Variants in SAMD12 observed in about 807,000 individuals in gnomAD.
SAMD12 encodes the protein sterile alpha motif domain containing 12.
SAMD12 carries 9 observed loss-of-function variants against 15.0 expected under a neutral mutation model. The observed-to-expected ratio is 0.60, with a 90% confidence interval of 0.36 to 1.05. The LOEUF (loss-of-function observed/expected upper bound fraction) is 1.05, where lower values mean the gene tolerates loss of function less well. Ranked by LOEUF, SAMD12 falls within the 50% of genes least tolerant of loss-of-function variation. The pLI is 0.01. For synonymous variants in SAMD12, 86 were observed against 90.1 expected (o/e 0.96, Z 0.25); for missense variants, 230 against 234.2 (o/e 0.98, Z 0.12).
chr8:118,163,063 T>C, the SAMD12 span, among the ~76,000 whole-genome samples: 1 of 152,156 alleles, frequency 6.6e-6, no homozygotes, highest in Non-Finnish European at 1.5e-5. Flanking sequence ...CTCCTGCCAT[T>C]TTTTAAAAGA....
chr8:118,137,538 C>T, the SAMD12 span, among the ~76,000 whole-genome samples: 63 of 152,318 alleles, frequency 4.1e-4, no homozygotes, highest in African/African-American at 1.5e-3. Flanking sequence ...TCCTGCCTCA[C>T]TTCCTCCACC....
chr8:118,532,559 A>C (rs1352643593), intron 2 of SAMD12, among the ~76,000 whole-genome samples: 1 of 152,136 alleles, frequency 6.6e-6, no homozygotes, highest in Non-Finnish European at 1.5e-5. Flanking sequence ...CTGTGAATCC[A>C]TCTGGTCCTG....
downstream of SAMD12, among the ~76,000 whole-genome samples, chr8:118,184,805 T>TA (rs2129706726): frequency 6.6e-6 from 1 of 152,298 alleles, no homozygotes; most frequent in East Asian, 1.9e-4. Context: ...GCTCCCTCTT[T>TA]AAAATATAGT....
chr8:118,146,867 T>C, the SAMD12 span, among the ~76,000 whole-genome samples: 16 of 152,196 alleles, frequency 1.1e-4, no homozygotes, highest in African/African-American at 3.1e-4. Flanking sequence ...ACTTATATGT[T>C]CCTATTCTGA....
At chr8:118,550,762 G>A (rs1197265228) in intron 2 of SAMD12, among the ~76,000 whole-genome samples, 2 of 151,466 alleles carry the variant, frequency 1.3e-5, no homozygotes, top group Non-Finnish European at 2.9e-5. Flanking sequence ...AGACCCATCA[G>A]TGTGTTGTAT....
At chr8:118,573,695 T>C (rs751994416) in intron 2 of SAMD12, among the ~76,000 whole-genome samples, 10 of 152,224 alleles carry the variant, frequency 6.6e-5, no homozygotes, top group Non-Finnish European at 1.3e-4. Context: ...AGCATTCCCT[T>C]GATATCATCA....
At chr8:118,354,120 A>G (rs1412996815) in intron 4 of SAMD12, among the ~76,000 whole-genome samples, 1 of 152,212 alleles carries the variant, frequency 6.6e-6, no homozygotes, top group Non-Finnish European at 1.5e-5. Flanking sequence ...GCTTCTTTGA[A>G]TTCTCTTTAG....
At chr8:118,551,259 T>C (rs1190566222) in intron 2 of SAMD12, among the ~76,000 whole-genome samples, 3 of 150,626 alleles carry the variant, frequency 2.0e-5, no homozygotes, top group Non-Finnish European at 2.9e-5. Flanking sequence ...ATTCCAAAAC[T>C]GAACACATAG....
intron 2 of SAMD12, among the ~76,000 whole-genome samples, chr8:118,462,918 C>T (rs1044477857): frequency 1.3e-5 from 2 of 151,686 alleles, no homozygotes; most frequent in Non-Finnish European, 1.5e-5. Context: ...CTGGCTAACA[C>T]GGTGAAACCC....
At chr8:118,141,849 GAAT>G in the SAMD12 span, among the ~76,000 whole-genome samples, 4 of 152,182 alleles carry the variant, frequency 2.6e-5, no homozygotes, top group African/African-American at 9.7e-5. Flanking sequence ...GCAGAGAGAA[GAAT>G]AACAGAGGGC....
chr8:118,585,091 C>A (rs904095413), intron 1 of SAMD12, among the ~76,000 whole-genome samples: 2 of 152,168 alleles, frequency 1.3e-5, no homozygotes, highest in Non-Finnish European at 2.9e-5. Context: ...CAATGTGATA[C>A]ATATAATGAA....
rs764293070 is a variant in SAMD12, at chr8:118,269,682, C to A, written c.434-71950G>T. 2.0e-5 allele frequency among the ~76,000 whole-genome samples: 3 copies of A among 152,142 alleles called. No homozygotes were observed. The South Asian group carries it at 6.2e-4, about 32-fold the overall frequency. On this transcript the variant is annotated intron_variant, in intron 4 of 4. Coordinates refer to the SAMD12 transcript ENST00000409003. ...AGGATGCAATGAGGTGGAAGCAAGA[C>A]GTTTTATTCAATCAGGTTTTTGGTC...
intron 3 of SAMD12, among the ~76,000 whole-genome samples, chr8:118,401,541 C>CT (rs3884378): frequency 0.03 from 4,204 of 140,196 alleles, 197 homozygotes; most frequent in African/African-American, 0.092. Context: ...CCTTCTTCTT[C>CT]TTTTTTTTTT....
chr8:118,154,555 T>C, the SAMD12 span, among the ~76,000 whole-genome samples: 1 of 152,218 alleles, frequency 6.6e-6, no homozygotes, highest in Non-Finnish European at 1.5e-5. Flanking sequence ...AATAACTTTC[T>C]GCACAAAGCA....
chr8:118,617,507 C>G (rs572537598), intron 1 of SAMD12, among the ~76,000 whole-genome samples: 2 of 152,304 alleles, frequency 1.3e-5, no homozygotes, highest in South Asian at 4.1e-4. Flanking sequence ...ATTAAGAGCA[C>G]ACAGTCTTGC....
intron 2 of SAMD12, among the ~76,000 whole-genome samples, chr8:118,500,283 G>A (rs1336914509): frequency 6.6e-6 from 1 of 151,272 alleles, no homozygotes. Context: ...TCTCCATGTT[G>A]GTCAGGCTTG....
chr8:118,279,354 A>C (rs1312507508), intron 4 of SAMD12, among the ~76,000 whole-genome samples: 2 of 151,628 alleles, frequency 1.3e-5, no homozygotes, highest in African/African-American at 4.8e-5. Flanking sequence ...AATACACATG[A>C]AAAAAAAATA....
chr8:118,443,844 G>C (rs150811005), intron 2 of SAMD12, among the ~76,000 whole-genome samples: 95 of 152,272 alleles, frequency 6.2e-4, no homozygotes, highest in African/African-American at 2.2e-3. Context: ...CAAATGTTGG[G>C]AGTGAATGGC....
chr8:118,403,344 C>CTGTG (rs1318591427), intron 3 of SAMD12, among the ~76,000 whole-genome samples: 1 of 151,394 alleles, frequency 6.6e-6, no homozygotes, highest in African/African-American at 2.4e-5. Context: ...TATGTACAGT[C>CTGTG]TGTGTGTGTG....
Sources: allele counts gnomAD v4.1 joint callset (sites outside exome capture counted in the v4.1 genomes callset), GRCh38; gene constraint gnomAD v4.1.1; transcripts MANE v1.5; gene names NCBI Gene and HGNC (gene_info 2026-07-23, HGNC 2026-07-21).